SGCD: variants seen among roughly 807,000 people sequenced by gnomAD.
The protein encoded by SGCD is sarcoglycan delta, also known as delta-sarcoglycan.
SGCD carries 18 observed loss-of-function variants against 36.6 expected under a neutral mutation model. The ratio of observed to expected loss-of-function variants is 0.49; its 90% confidence interval spans 0.34 to 0.73. The LOEUF (loss-of-function observed/expected upper bound fraction) is 0.73. SGCD is among the 30% of genes least tolerant of loss of function. SGCD has a pLI of 0.01. For synonymous variants in SGCD, 133 were observed against 130.6 expected, an observed-to-expected ratio of 1.02 and a Z score of -0.12; for missense variants, 387 against 346.7, an observed-to-expected ratio of 1.12 and a Z score of -0.92.
chr5:155,881,142 T>G (rs994133582), intron 1 of SGCD, among the ~76,000 whole-genome samples: 3 of 152,010 alleles, frequency 2.0e-5, no homozygotes, highest in African/African-American at 7.2e-5. Flanking sequence ...GGGTGCTGAT[T>G]TTCAATCTAT....
chr5:156,409,031 A>AT (rs1772593867), intron 3 of SGCD, among the ~76,000 whole-genome samples: 2 of 152,212 alleles, frequency 1.3e-5, no homozygotes, highest in African/African-American at 4.8e-5. Context: ...CAGTAACATA[A>AT]TAAAAAATGC....
the SGCD span, among the ~76,000 whole-genome samples, chr5:155,775,068 T>G: frequency 6.6e-6 from 1 of 152,080 alleles, no homozygotes; most frequent in Non-Finnish European, 1.5e-5. Context: ...TTTAATATCA[T>G]TGTTTGTTAG....
intron 3 of SGCD, among the ~76,000 whole-genome samples, chr5:156,456,163 T>C (rs1286313206): frequency 6.6e-6 from 1 of 152,060 alleles, no homozygotes; most frequent in Non-Finnish European, 1.5e-5. Flanking sequence ...TATCTAAAAA[T>C]GGGGAGGTAG....
intron 3 of SGCD, among the ~76,000 whole-genome samples, chr5:156,314,715 A>G (rs1211396619): frequency 2.0e-5 from 3 of 152,018 alleles, no homozygotes; most frequent in African/African-American, 7.2e-5. Flanking sequence ...TTTGGTAGAG[A>G]ACATAGCAGA....
At chr5:156,135,301 C>T (rs1299755144) in intron 3 of SGCD, among the ~76,000 whole-genome samples, 2 of 152,126 alleles carry the variant, frequency 1.3e-5, no homozygotes, top group Non-Finnish European at 2.9e-5. Context: ...ATATTTTCCT[C>T]CTACCCACTA....
intron 1 of SGCD, among the ~76,000 whole-genome samples, chr5:156,097,003 T>C (rs1761394321): frequency 6.6e-6 from 1 of 152,078 alleles, no homozygotes; most frequent in Non-Finnish European, 1.5e-5. Context: ...TTTTTTTTTC[T>C]TTCAGTGCTT....
intron 1 of SGCD, among the ~76,000 whole-genome samples, chr5:155,895,328 G>A (rs757020947): frequency 2.6e-5 from 4 of 152,152 alleles, no homozygotes; most frequent in Admixed American, 6.5e-5. Context: ...CTCTTCAAAC[G>A]CATTTCAAAA....
intron 1 of SGCD, among the ~76,000 whole-genome samples, chr5:155,943,635 A>G (rs191467288): frequency 2.6e-3 from 391 of 152,320 alleles, no homozygotes; most frequent in Non-Finnish European, 2.9e-3. Flanking sequence ...TGAGATGATT[A>G]AAGTTTCACA....
chr5:156,188,839 C>T (rs1161644019), intron 3 of SGCD, among the ~76,000 whole-genome samples: 1 of 152,144 alleles, frequency 6.6e-6, no homozygotes, highest in Admixed American at 6.5e-5. Flanking sequence ...AATTAATATA[C>T]AAATTAATCT....
chr5:156,385,978 A>G (rs1350293754), intron 3 of SGCD, among the ~76,000 whole-genome samples: 1 of 152,240 alleles, frequency 6.6e-6, no homozygotes, highest in Non-Finnish European at 1.5e-5. Context: ...CTAAGCATAC[A>G]GTTAAAGTCA....
At chr5:156,367,856 T>C (rs901922686) in intron 3 of SGCD, among the ~76,000 whole-genome samples, 1 of 152,218 alleles carries the variant, frequency 6.6e-6, no homozygotes, top group African/African-American at 2.4e-5. Flanking sequence ...AGCATGAACA[T>C]TGTGCCAGGA....
At chr5:156,634,110 C>T (rs373873141) in intron 6 of SGCD, among the ~76,000 whole-genome samples, 2 of 152,198 alleles carry the variant, frequency 1.3e-5, no homozygotes, top group Non-Finnish European at 2.9e-5. Context: ...TCACTCCTCT[C>T]TCCTCTCTTC....
At chr5:156,395,692 G>T (rs1270826977) in intron 3 of SGCD, among the ~76,000 whole-genome samples, 3 of 152,172 alleles carry the variant, frequency 2.0e-5, no homozygotes, top group African/African-American at 2.4e-5. Context: ...TCCAACATTT[G>T]CAGAGAGGAA....
At chr5:156,507,637 G>A (rs984249997) in intron 3 of SGCD, among the ~76,000 whole-genome samples, 5 of 152,100 alleles carry the variant, frequency 3.3e-5, no homozygotes, top group South Asian at 2.1e-4. Context: ...GAAACATAAC[G>A]AATAGAGGAA....
intron 4 of SGCD, among the ~76,000 whole-genome samples, chr5:156,584,098 A>G (rs1002698843): frequency 1.7e-4 from 26 of 152,258 alleles, no homozygotes; most frequent in African/African-American, 6.0e-4. Context: ...TCTGTTCATC[A>G]AAGAACAGCA....
chr5:155,991,213 A>G (rs1423051789), intron 1 of SGCD, among the ~76,000 whole-genome samples: 2 of 152,216 alleles, frequency 1.3e-5, no homozygotes, highest in African/African-American at 2.4e-5. Flanking sequence ...CTCTAGAGCA[A>G]CATCTGAGCC....
rs1035510059 is a variant in SGCD at position 156,579,388 on chromosome 5, G to A, written c.295-9843G>A. ...TGGTCCTGAGAAGAATGTATATTCT[G>A]TTGATTTGGGGTGGAGAGTTCTGCA... On this transcript the variant is annotated intron_variant, in intron 4 of 8. Coordinates refer to ENST00000337851, the MANE Select transcript of SGCD (RefSeq NM_000337.6). 7.9e-5 allele frequency among the ~76,000 whole-genome samples: 12 copies of A among 152,296 alleles called. No homozygotes were observed. In the East Asian group the frequency reaches 1.9e-3, roughly 24 times the overall value.
the SGCD span, among the ~76,000 whole-genome samples, chr5:155,751,682 C>T: frequency 1.3e-5 from 2 of 150,594 alleles, no homozygotes; most frequent in Admixed American, 6.6e-5. Context: ...CAGCCTGTGG[C>T]ATAGATTTTA....
Position 156,077,130 on chromosome 5 carries a change from A to T in SGCD, c.-281-40748A>T, listed in dbSNP as rs1350563315. Among the ~76,000 whole-genome samples the T allele has an allele frequency of 2.0e-5, 3 of 152,150 alleles. No individual in the cohort carries two copies. In the South Asian group the frequency reaches 6.2e-4, roughly 31 times the overall value. The stretch of plus-strand genomic sequence containing the variant: ...CACGTGACTGAAACCAATTAATTAC[A>T]TTCAAATTAAGATGTGTGGCTTAAT... On this transcript the variant is annotated intron_variant, in intron 1 of 9. Transcript: ENST00000517913.
Sources: gnomAD v4.1 joint callset for allele counts (sites outside exome capture counted in the v4.1 genomes callset) on GRCh38, gnomAD v4.1.1 for gene constraint, MANE v1.5 for transcripts, NCBI Gene and HGNC (gene_info 2026-07-23, HGNC 2026-07-21) for gene names.